Variants in DAPK1 observed in about 807,000 individuals in gnomAD.
DAPK1 encodes death-associated protein kinase 1.
In DAPK1, 56 loss-of-function variants were observed where a neutral mutation model predicts 144.9. The observed-to-expected ratio is 0.39, with a 90% CI of 0.31 to 0.48. DAPK1 has a LOEUF of 0.48. Ranked by LOEUF, DAPK1 falls within the 20% of genes least tolerant of loss-of-function variation. DAPK1 has a pLI of 0.95. For missense variants in DAPK1, 1,454 were observed against 1,875.4 expected, an observed-to-expected ratio of 0.78 and a Z score of 4.15; for synonymous variants, 690 against 749.0, an observed-to-expected ratio of 0.92 and a Z score of 1.29.
chr9:87,541,678 G>C (rs1337922151), intron 2 of DAPK1, among the ~76,000 whole-genome samples: 1 of 152,120 alleles, frequency 6.6e-6, no homozygotes, highest in Non-Finnish European at 1.5e-5. Context: ...ATGCAGAGGA[G>C]GAAATGTGAG....
chr9:87,674,137 G>A (rs1824274776), intron 19 of DAPK1, among the ~76,000 whole-genome samples: 2 of 152,084 alleles, frequency 1.3e-5, no homozygotes, highest in Non-Finnish European at 2.9e-5. Context: ...GAATTTCAAG[G>A]GGGTTGAGGA....
At chr9:87,608,285 A>G (rs962165761) in intron 3 of DAPK1, among the ~76,000 whole-genome samples, 5 of 152,168 alleles carry the variant, frequency 3.3e-5, no homozygotes, top group African/African-American at 9.7e-5. Flanking sequence ...AGCTTCTTTC[A>G]CTCAGCATAA....
chr9:87,614,933 T>C (rs1263721556), intron 3 of DAPK1, among the ~76,000 whole-genome samples: 3 of 152,140 alleles, frequency 2.0e-5, no homozygotes, highest in Non-Finnish European at 4.4e-5. Context: ...TGCCCAGAAT[T>C]CTGGGATGGT....
intron 11 of DAPK1, 39 bp downstream of exon 11, chr9:87,643,507 A>G (rs1830166800): frequency 1.0e-5 from 13 of 1,251,018 alleles, no homozygotes; most frequent in Non-Finnish European, 1.5e-5. Context: ...CTTTCTTAGC[A>G]CTGGGTACTC....
intron 24 of DAPK1, 55 bp from the exon 25 acceptor site, chr9:87,702,973 GC>G (rs1214520500): frequency 2.4e-6 from 2 of 828,708 alleles, no homozygotes; most frequent in Non-Finnish European, 4.2e-6. Flanking sequence ...CTGTGGCTCT[GC>G]TCAGGGCACC....
At chr9:87,642,293 T>C (rs1380125009) in intron 10 of DAPK1, among the ~76,000 whole-genome samples, 2 of 152,380 alleles carry the variant, frequency 1.3e-5, no homozygotes, top group East Asian at 3.9e-4. Flanking sequence ...TCATCAAAAC[T>C]ATTCTCAGTG....
intron 2 of DAPK1, among the ~76,000 whole-genome samples, chr9:87,548,330 G>A (rs910552579): frequency 2.0e-5 from 3 of 152,096 alleles, no homozygotes; most frequent in African/African-American, 7.2e-5. Context: ...CCCCTAAATA[G>A]CTATGTGACG....
intron 21 of DAPK1, among the ~76,000 whole-genome samples, chr9:87,687,115 C>T (rs889830914): frequency 1.3e-5 from 2 of 152,158 alleles, no homozygotes; most frequent in Non-Finnish European, 2.9e-5. Context: ...GAGTTTTTAT[C>T]ATTTCTATGT....
chr9:87,508,980 C>T (rs974372629), intron 2 of DAPK1, among the ~76,000 whole-genome samples: 1 of 152,156 alleles, frequency 6.6e-6, no homozygotes, highest in African/African-American at 2.4e-5. Flanking sequence ...AGAAGTTTTT[C>T]GAAATTGTTT....
At chr9:87,508,173 G>A (rs1159635379) in intron 2 of DAPK1, among the ~76,000 whole-genome samples, 5 of 151,656 alleles carry the variant, frequency 3.3e-5, no homozygotes, top group African/African-American at 4.8e-5. Context: ...CACGACGCCC[G>A]GCTAATTTTT....
chr9:87,600,090 T>G (rs2118930484), intron 2 of DAPK1, among the ~76,000 whole-genome samples: 1 of 152,122 alleles, frequency 6.6e-6, no homozygotes, highest in Non-Finnish European at 1.5e-5. Context: ...AAATTACCAA[T>G]AAAAAACATG....
chr9:87,706,285 C>T lies in DAPK1; in HGVS notation c.3214C>T (p.Leu1072=). 1 of 1,612,956 alleles carries T rather than the reference C, an allele frequency of 6.2e-7. No individual in the cohort carries two copies. The highest frequency in any genetic ancestry group is 8.5e-7 in the Non-Finnish European group (1 of 1,179,430). Residue 1072 remains leucine (L), a synonymous_variant, in exon 26 of 26, where the codon CTG becomes TTG. Coordinates refer to ENST00000408954, the MANE Select transcript of DAPK1 (RefSeq NM_004938.4). The surrounding 1 kb of genome is among the most constrained non-coding windows in gnomAD (Gnocchi z 9.0). ...CTACACCGTGGAGGACATCCAGCGCCTGGTGCCCGACAGCGACGTGGAGGA... is the reference window on the plus strand; with the variant it reads ...CTACACCGTGGAGGACATCCAGCGCTTGGTGCCCGACAGCGACGTGGAGGA... The part of the protein sequence containing the change: ...GRYTVEDIQR[L]VPDSDVEELL...
chr9:87,646,371 G>T, intron 12 of DAPK1, 90 bp from the exon 13 acceptor site: 1 of 930,520 alleles, frequency 1.1e-6, no homozygotes, highest in Non-Finnish European at 1.7e-6. Context: ...GTTGAGACAG[G>T]GGAAGGTGTG....
At chr9:87,560,300 C>T (rs879414205) in intron 2 of DAPK1, among the ~76,000 whole-genome samples, 7 of 152,088 alleles carry the variant, frequency 4.6e-5, no homozygotes, top group Non-Finnish European at 8.8e-5. Flanking sequence ...CCAGCCTGCC[C>T]TTGGAACTTT....
chr9:87,698,708 C>A lies in DAPK1; in HGVS notation c.2664C>A (p.His888Gln). 6.3e-7 allele frequency: 1 copy of A among 1,596,828 alleles called. No individual in the cohort carries two copies. Among genetic ancestry groups the A allele is most frequent in the Non-Finnish European group, 8.6e-7 (1 of 1,164,196 alleles). ...NPLQVVLVAT[H>Q]ADIMNVPRPA... ...TCCAAGTTGTCCTGGTGGCCACCCA[C>A]GCTGACATCATGAATGTTCCTCGAC... is the stretch of plus-strand genomic sequence containing the variant. Residue 888 changes from histidine to glutamine, a missense_variant, in exon 23 of 26, where the codon CAC (histidine) becomes CAA (glutamine). Coordinates refer to ENST00000408954, the MANE Select transcript of DAPK1 (RefSeq NM_004938.4).
rs1020308423 is a variant in DAPK1 at position 87,706,680 on chromosome 9, G to C, written c.3609G>C (p.Thr1203=). 6.2e-7 allele frequency: 1 copy of C among 1,611,732 alleles called. No homozygotes were observed. Among genetic ancestry groups the C allele is most frequent in the African/African-American group, 1.3e-5 (1 of 74,904 alleles). Residue 1203 remains threonine, a synonymous_variant, in exon 26 of 26, where the codon ACG becomes ACC. Coordinates refer to ENST00000408954, the MANE Select transcript of DAPK1 (RefSeq NM_004938.4). This position sits in a 1 kb window ranked among gnomAD's most constrained non-coding sequence, Gnocchi z 9.0. ...GIEVQVRGLE[T]EKIKCCLLLD... is the part of the protein sequence containing the mutation. Reference sequence around the variant, plus strand: ...AGGTCCAGGTCCGCGGCCTGGAGACGGAGAAGATCAAGTGCTGCCTGCTGC... The same window carrying C: ...AGGTCCAGGTCCGCGGCCTGGAGACCGAGAAGATCAAGTGCTGCCTGCTGC...
At chr9:87,525,218 T>G in intron 2 of DAPK1, 1 of 949,138 alleles carries the variant, frequency 1.1e-6, no homozygotes, top group Non-Finnish European at 1.7e-6. Flanking sequence ...CGTCTGTTTT[T>G]CACCCTACCC....
At position 87,637,923 on chromosome 9, in the gene DAPK1, C is replaced by G. The variant is rs951935468; in HGVS notation, c.285-20C>G. 1 of 1,611,486 alleles carries G rather than the reference C, an allele frequency of 6.2e-7. No individual in the cohort carries two copies. Among genetic ancestry groups the G allele is most frequent in the South Asian group, 1.1e-5 (1 of 90,820 alleles). ...ATGAAACAGAGTTGTTACCAATAAC[C>G]TCTGCTTCCGGGTTCTCAGCGTTGC... On this transcript the variant is annotated intron_variant, in intron 3 of 25. Coordinates refer to ENST00000408954, the MANE Select transcript of DAPK1 (RefSeq NM_004938.4).
intron 2 of DAPK1, among the ~76,000 whole-genome samples, chr9:87,553,292 T>C (rs910453459): frequency 1.2e-4 from 18 of 152,130 alleles, no homozygotes; most frequent in Non-Finnish European, 2.2e-4. Context: ...CAGCAGTCTT[T>C]CTGCCTTTGC....
Sources: allele counts gnomAD v4.1 joint callset (sites outside exome capture counted in the v4.1 genomes callset), GRCh38; gene constraint gnomAD v4.1.1; non-coding constraint Gnocchi (gnomAD v3.1); transcripts MANE v1.5; gene names NCBI Gene and HGNC (gene_info 2026-07-23, HGNC 2026-07-21).